Variants in RYR3 observed in about 807,000 individuals in gnomAD.
RYR3 encodes brain ryanodine receptor-calcium release channel.
Under a neutral mutation model 584.3 loss-of-function variants are expected in RYR3, and 207 were observed. The ratio of observed to expected loss-of-function variants is 0.35; its 90% CI spans 0.32 to 0.40. The LOEUF (loss-of-function observed/expected upper bound fraction) is 0.40. Ranked by LOEUF, RYR3 falls within the 10% of genes least tolerant of loss-of-function variation. RYR3 has a pLI of 1.00. For synonymous variants in RYR3, 2,416 were observed against 2,248.5 expected, an observed-to-expected ratio of 1.07 and a Z score of -2.11; for missense variants, 5,616 against 6,089.2, an observed-to-expected ratio of 0.92 and a Z score of 2.59.
chr15:33,765,012 C>T (rs1429443403), intron 60 of RYR3, among the ~76,000 whole-genome samples: 49 of 103,696 alleles, frequency 4.7e-4, no homozygotes, highest in Non-Finnish European at 6.8e-4. Flanking sequence ...GCCTGGGCAA[C>T]AGAGCAAGAC....
In RYR3 at chr15:33,412,038, T is replaced by C. The variant is rs1424079059; in HGVS notation, c.52-61381T>C. Among the ~76,000 whole-genome samples the C allele has an allele frequency of 6.6e-6, 1 of 152,214 alleles. No individual in the cohort carries two copies. Among genetic ancestry groups the C allele is most frequent in the African/African-American group, 2.4e-5 (1 of 41,458 alleles). On this transcript the variant is annotated intron_variant, in intron 1 of 103. Coordinates refer to ENST00000634891, the MANE Select transcript of RYR3 (RefSeq NM_001036.6). The surrounding 1 kb of genome is among the most constrained non-coding windows in gnomAD (Gnocchi z 4.3). ...ATTACTGTGAAGGTAATATCCAACTTAGGTTCCCAGTGTGTCAGCCACACC... is the reference window on the plus strand; with the variant it reads ...ATTACTGTGAAGGTAATATCCAACTCAGGTTCCCAGTGTGTCAGCCACACC...
At chr15:33,516,945 G>T (rs1272929786) in intron 3 of RYR3, among the ~76,000 whole-genome samples, 1 of 151,966 alleles carries the variant, frequency 6.6e-6, no homozygotes, top group Non-Finnish European at 1.5e-5. Flanking sequence ...CAGAATTGAT[G>T]ACAAGAGCCA....
At position 33,753,018 on chromosome 15, in the gene RYR3, G is replaced by T. The variant is rs191429423; in HGVS notation, c.8400-2047G>T. On this transcript the variant is annotated intron_variant, in intron 57 of 103. Coordinates refer to ENST00000634891, the MANE Select transcript of RYR3 (RefSeq NM_001036.6). ...ATTGAAGGCCTTTTCTCCCTCTATT[G>T]AGATAATCATGTGGTTTTTGTCATT... Among the ~76,000 whole-genome samples, 1,081 of 152,236 alleles carry T rather than the reference G, an allele frequency of 7.1e-3. 2 individuals carry two copies. Among genetic ancestry groups the T allele is most frequent in the Admixed American group, 0.012 (190 of 15,280 alleles).
chr15:33,492,570 A>G (rs1483142942), intron 2 of RYR3, among the ~76,000 whole-genome samples: 1 of 152,096 alleles, frequency 6.6e-6, no homozygotes, highest in Non-Finnish European at 1.5e-5. Flanking sequence ...AAAAATCTCA[A>G]AAACATTTGG....
Position 33,580,145 on chromosome 15 carries a change from G to T in RYR3, c.1437+1G>T. ...CAGACAAAATCTTTTCAAGGAAGAG[G>T]TAAGTCGAAAAATGAAAAGTTGAAA... On this transcript the variant is annotated splice_donor_variant, in intron 13 of 103. Coordinates refer to ENST00000634891, the MANE Select transcript of RYR3 (RefSeq NM_001036.6). LOFTEE classifies it high-confidence loss of function. The T allele has an allele frequency of 6.3e-7, 1 of 1,593,714 alleles. No homozygotes were observed. Among genetic ancestry groups the T allele is most frequent in the Non-Finnish European group, 8.5e-7 (1 of 1,169,718 alleles).
intron 91 of RYR3, among the ~76,000 whole-genome samples, chr15:33,842,956 AT>A (rs962068191): frequency 4.6e-5 from 7 of 151,536 alleles, no homozygotes; most frequent in Admixed American, 3.3e-4. Flanking sequence ...ATTCTAAGCA[AT>A]TTTTTTTTAA....
intron 5 of RYR3, among the ~76,000 whole-genome samples, chr15:33,534,518 A>T (rs1057092432): frequency 3.1e-4 from 46 of 150,328 alleles, no homozygotes; most frequent in East Asian, 2.9e-3. Flanking sequence ...GATTATTATT[A>T]TTTTTTTTTT....
intron 32 of RYR3, among the ~76,000 whole-genome samples, chr15:33,654,818 A>C (rs981557353): frequency 3.9e-5 from 6 of 152,254 alleles, no homozygotes; most frequent in Non-Finnish European, 7.3e-5. Context: ...GCTATGATGT[A>C]CATGGATAAA....
At chr15:33,840,777 G>A (rs751003285) in intron 89 of RYR3, 48 bp from the exon 90 acceptor site, 1 of 1,578,136 alleles carries the variant, frequency 6.3e-7, no homozygotes, top group East Asian at 2.2e-5. Flanking sequence ...TCATCATCAT[G>A]ACCTCGCTTC....
At chr15:33,808,177 C>G (rs182670602) in intron 70 of RYR3, among the ~76,000 whole-genome samples, 3 of 152,334 alleles carry the variant, frequency 2.0e-5, no homozygotes, top group East Asian at 1.9e-4. Context: ...AGGGCACACG[C>G]AGCTCTTAGT....
intron 3 of RYR3, among the ~76,000 whole-genome samples, chr15:33,518,458 C>T (rs141502287): frequency 2.7e-4 from 41 of 152,002 alleles, no homozygotes; most frequent in East Asian, 2.5e-3. Flanking sequence ...TTGAGCTGGC[C>T]GCTCCCCCTC....
chr15:33,817,048 CAAGGA>C, intron 75 of RYR3, 90 bp downstream of exon 75: 1 of 780,098 alleles, frequency 1.3e-6, no homozygotes, highest in Non-Finnish European at 2.2e-6. Flanking sequence ...TAAACATTCA[CAAGGA>C]ATCGTGTGTA....
intron 19 of RYR3, among the ~76,000 whole-genome samples, chr15:33,615,979 A>G (rs760780787): frequency 6.6e-6 from 1 of 152,220 alleles, no homozygotes; most frequent in African/African-American, 2.4e-5. Context: ...CCTTTGACTC[A>G]GGAACTTTCC....
At chr15:33,812,664 C>A (rs922339440) in intron 72 of RYR3, among the ~76,000 whole-genome samples, 199 bp from the exon 73 acceptor site, 9 of 151,912 alleles carry the variant, frequency 5.9e-5, no homozygotes, top group African/African-American at 2.2e-4. Flanking sequence ...ATGACAGAAG[C>A]ATTAAGAGAC....
chr15:33,522,092 TAAAAA>T (rs36044198), intron 3 of RYR3, among the ~76,000 whole-genome samples: 3,535 of 114,750 alleles, frequency 0.031, 60 homozygotes, highest in Non-Finnish European at 0.045. Flanking sequence ...CATCTCTACT[TAAAAA>T]AAAAAAAAAA....
intron 16 of RYR3, 135 bp from the exon 17 acceptor site, chr15:33,601,284 C>A: frequency 1.2e-6 from 1 of 815,874 alleles, no homozygotes. Flanking sequence ...GCAAAGCTTC[C>A]TTGGCTCTGA....
In RYR3 at chr15:33,859,490, G is replaced by T; in HGVS notation, c.14143-85G>T. On this transcript the variant is annotated intron_variant, in intron 99 of 103. Coordinates refer to ENST00000634891, the MANE Select transcript of RYR3 (RefSeq NM_001036.6). ...TCGTGGCTTAGGGCTGCCACAATCT[G>T]ACCGAATCATATGAATGATCTGAGC... The T allele has an allele frequency of 2.0e-6, 3 of 1,506,082 alleles. No individual in the cohort carries two copies. In the South Asian group the frequency reaches 3.6e-5, roughly 18 times the overall value. The allele number at this position is 1,506,082 out of a possible 1,614,324, so 93.3% of individuals were successfully genotyped here.
At chr15:33,336,115 A>T (rs539852222) in intron 1 of RYR3, among the ~76,000 whole-genome samples, 19 of 152,250 alleles carry the variant, frequency 1.2e-4, no homozygotes, top group African/African-American at 4.6e-4. Flanking sequence ...TACTTAAGAG[A>T]CACAAGTCCA....
At chr15:33,802,781 G>T (rs569881597) in intron 69 of RYR3, among the ~76,000 whole-genome samples, 1 of 152,344 alleles carries the variant, frequency 6.6e-6, no homozygotes, top group South Asian at 2.1e-4. Flanking sequence ...CTCAGTGAGG[G>T]TTGATTTTAT....
Sources: gnomAD v4.1 joint callset for allele counts (sites outside exome capture counted in the v4.1 genomes callset) on GRCh38, gnomAD v4.1.1 for gene constraint, Gnocchi (gnomAD v3.1) non-coding constraint, MANE v1.5 for transcripts, NCBI Gene and HGNC (gene_info 2026-07-23, HGNC 2026-07-21) for gene names.